Variants in JAZF1 observed in about 807,000 individuals in gnomAD.
JAZF1 encodes juxtaposed with another zinc finger protein 1.
JAZF1 carries 8 observed loss-of-function variants against 26.4 expected under a neutral mutation model. The ratio of observed to expected loss-of-function variants is 0.30; its 90% CI spans 0.18 to 0.55. The LOEUF is 0.55. Among genes scored for constraint, JAZF1 ranks in the 20% least tolerant of loss-of-function variants. JAZF1 has a pLI of 0.94. For missense variants in JAZF1, 199 were observed against 322.0 expected, an observed-to-expected ratio of 0.62 and a Z score of 2.92; for synonymous variants, 126 against 122.3, an observed-to-expected ratio of 1.03 and a Z score of -0.20.
chr7:27,963,569 C>CCCCCCCT (rs1554278421), intron 2 of JAZF1, among the ~76,000 whole-genome samples: 3 of 132,514 alleles, frequency 2.3e-5, no homozygotes, highest in African/African-American at 8.7e-5. Context: ...CCCCCCCCCC[C>CCCCCCCT]TTTTTTTTTG....
At chr7:27,837,179 A>G (rs1490421634) in intron 4 of JAZF1, among the ~76,000 whole-genome samples, 1 of 152,200 alleles carries the variant, frequency 6.6e-6, no homozygotes, top group Non-Finnish European at 1.5e-5. Flanking sequence ...AACAAAACAA[A>G]AAAACTTTAA....
chr7:28,020,478 C>A, intron 1 of JAZF1: 3 of 420,982 alleles, frequency 7.1e-6, no homozygotes, highest in South Asian at 1.8e-5. Flanking sequence ...CTCCTGGAAG[C>A]AGGAGTTGAA....
chr7:28,085,313 T>A (rs1462416322), intron 1 of JAZF1, among the ~76,000 whole-genome samples: 1 of 152,228 alleles, frequency 6.6e-6, no homozygotes, highest in East Asian at 1.9e-4. Flanking sequence ...TACCATACCA[T>A]GTTTAAAATG....
intron 2 of JAZF1, among the ~76,000 whole-genome samples, chr7:27,964,500 A>C (rs1311105534): frequency 3.3e-5 from 5 of 152,084 alleles, no homozygotes; most frequent in Non-Finnish European, 2.9e-5. Context: ...GATGCTTATA[A>C]AATTAGAATG....
At chr7:28,017,221 G>C (rs1215619969) in intron 1 of JAZF1, among the ~76,000 whole-genome samples, 2 of 151,934 alleles carry the variant, frequency 1.3e-5, no homozygotes, top group Admixed American at 1.3e-4. Flanking sequence ...CATGGTGGTG[G>C]GTGCCTGTAA....
intron 1 of JAZF1, among the ~76,000 whole-genome samples, chr7:28,154,477 G>A (rs1219769137): frequency 6.6e-6 from 1 of 152,176 alleles, no homozygotes; most frequent in Non-Finnish European, 1.5e-5. Flanking sequence ...ATAGTCTGAT[G>A]TTCTGGAGTG....
At chr7:28,073,596 T>G (rs545094397) in intron 1 of JAZF1, among the ~76,000 whole-genome samples, 1 of 152,342 alleles carries the variant, frequency 6.6e-6, no homozygotes, top group Non-Finnish European at 1.5e-5. Flanking sequence ...TTAGAACCAC[T>G]GAGGCACAGT....
intron 3 of JAZF1, among the ~76,000 whole-genome samples, chr7:27,889,932 C>CAAAA (rs5883106): frequency 6.9e-6 from 1 of 145,114 alleles, no homozygotes; most frequent in East Asian, 2.0e-4. Context: ...GACTTTCTCT[C>CAAAA]AAAAAAAAAA....
intron 2 of JAZF1, among the ~76,000 whole-genome samples, chr7:27,906,271 C>A (rs1471446369): frequency 6.6e-6 from 1 of 152,142 alleles, no homozygotes; most frequent in African/African-American, 2.4e-5. Context: ...TTCCCTGGCC[C>A]CACATGCCCC....
At chr7:27,951,925 T>C (rs1228960953) in intron 2 of JAZF1, among the ~76,000 whole-genome samples, 2 of 152,168 alleles carry the variant, frequency 1.3e-5, no homozygotes, top group African/African-American at 4.8e-5. Flanking sequence ...TCTGTCTCCT[T>C]TCATGCTCAC....
intron 1 of JAZF1, among the ~76,000 whole-genome samples, chr7:28,042,244 C>G (rs1783405341): frequency 6.6e-6 from 1 of 152,194 alleles, no homozygotes; most frequent in East Asian, 1.9e-4. Flanking sequence ...GTAGCCCCAT[C>G]TGATTACCGT....
At chr7:28,168,854 T>G (rs1288765905) in intron 1 of JAZF1, among the ~76,000 whole-genome samples, 1 of 152,246 alleles carries the variant, frequency 6.6e-6, no homozygotes, top group Non-Finnish European at 1.5e-5. Flanking sequence ...ATTTCATTAG[T>G]GTAACCCAAT....
chr7:28,006,620 G>C (rs1245056732), intron 1 of JAZF1, among the ~76,000 whole-genome samples: 2 of 152,170 alleles, frequency 1.3e-5, no homozygotes, highest in East Asian at 3.8e-4. Context: ...CTGTAAGGGA[G>C]ATATCTCCTG....
chr7:27,893,494 C>A lies in JAZF1; in HGVS notation c.385+1726G>T, dbSNP rs570695624. On this transcript the variant is annotated intron_variant, in intron 3 of 4. Coordinates refer to ENST00000283928, the MANE Select transcript of JAZF1 (RefSeq NM_175061.4). ...CCACCTGGCCTTTCAGTAATGGGGA[C>A]CTGCCAGGCTGTCCCCCTCCATGGA... Among the ~76,000 whole-genome samples the A allele has an allele frequency of 5.9e-5, 9 of 152,308 alleles. No individual in the cohort carries two copies. In the East Asian group the frequency reaches 7.7e-4, roughly 13 times the overall value.
In JAZF1 at chr7:28,120,501, C is replaced by CTTTTTTTTTTTT. The variant is rs58448766; in HGVS notation, c.115+59950_115+59961dup. Among the ~76,000 whole-genome samples, 10 of 59,014 alleles carry CTTTTTTTTTTTT rather than the reference C, an allele frequency of 1.7e-4. 2 individuals are homozygous for CTTTTTTTTTTTT. Among genetic ancestry groups the CTTTTTTTTTTTT allele is most frequent in the Admixed American group, 1.0e-3 (3 of 3,002 alleles). The allele number at this position is 59,014 out of a possible 152,430, so 38.7% of individuals were successfully genotyped here. A position where few individuals can be genotyped will look rare whatever the true frequency, so the allele number is the denominator to read the frequency against. ...TCTGAACCACTAGCCACACACAGTT[C>CTTTTTTTTTTTT]TTTTTTTTTTTTTTTTTTTTTTTTT... On this transcript the variant is annotated intron_variant, in intron 1 of 4. Coordinates refer to ENST00000283928, the MANE Select transcript of JAZF1 (RefSeq NM_175061.4).
At chr7:27,861,491 TATAA>T (rs1472399854) in intron 3 of JAZF1, among the ~76,000 whole-genome samples, 4 of 152,160 alleles carry the variant, frequency 2.6e-5, no homozygotes, top group Non-Finnish European at 5.9e-5. Flanking sequence ...CTGTCCTTTC[TATAA>T]ATGTTTTCAT....
At chr7:28,005,160 A>T (rs937506027) in intron 1 of JAZF1, among the ~76,000 whole-genome samples, 1 of 152,016 alleles carries the variant, frequency 6.6e-6, no homozygotes, top group Non-Finnish European at 1.5e-5. Context: ...GGAACCATTT[A>T]TTTTTCTTCA....
intron 1 of JAZF1, among the ~76,000 whole-genome samples, chr7:28,100,008 A>G (rs1784447784): frequency 6.6e-6 from 1 of 152,138 alleles, no homozygotes; most frequent in South Asian, 2.1e-4. Context: ...GATTATATAT[A>G]CCCAAGTACT....
At chr7:28,117,166 CTGAT>C (rs1784760305) in intron 1 of JAZF1, among the ~76,000 whole-genome samples, 1 of 152,114 alleles carries the variant, frequency 6.6e-6, no homozygotes, top group African/African-American at 2.4e-5. Context: ...AGTTTCTTCT[CTGAT>C]TGTCATTTGA....
Sources: gnomAD v4.1 joint callset for allele counts (sites outside exome capture counted in the v4.1 genomes callset) on GRCh38, gnomAD v4.1.1 for gene constraint, MANE v1.5 for transcripts, NCBI Gene and HGNC (gene_info 2026-07-23, HGNC 2026-07-21) for gene names.